The following LRMDA variants were observed in gnomAD, a reference collection of about 807,000 sequenced individuals.
The protein encoded by LRMDA is leucine-rich melanocyte differentiation-associated protein.
A neutral mutation model predicts 29.8 loss-of-function variants in LRMDA; 18 were observed. That is an observed-to-expected ratio of 0.60 (90% CI 0.42 to 0.90). The LOEUF (loss-of-function observed/expected upper bound fraction) is 0.90, where lower values mean the gene tolerates loss of function less well. Among genes scored for constraint, LRMDA ranks in the 40% least tolerant of loss-of-function variants. The pLI is 0.00. For missense variants in LRMDA, 273 were observed against 273.9 expected, an observed-to-expected ratio of 1.00 and a Z score of 0.02; for synonymous variants, 125 against 109.4, an observed-to-expected ratio of 1.14 and a Z score of -0.89.
intron 2 of LRMDA, among the ~76,000 whole-genome samples, chr10:75,669,756 A>G (rs540986590): frequency 1.3e-5 from 2 of 152,324 alleles, no homozygotes; most frequent in Non-Finnish European, 2.9e-5. Flanking sequence ...CTTTTTGGTG[A>G]CACTATATCA....
At chr10:76,143,924 C>T (rs1274558358) in intron 5 of LRMDA, among the ~76,000 whole-genome samples, 2 of 152,166 alleles carry the variant, frequency 1.3e-5, no homozygotes, top group Non-Finnish European at 1.5e-5. Flanking sequence ...AGCCAGTTTT[C>T]CCAGCACCAT....
At chr10:75,441,446 G>A (rs948694286) in intron 2 of LRMDA, among the ~76,000 whole-genome samples, 5 of 152,316 alleles carry the variant, frequency 3.3e-5, no homozygotes, top group Middle Eastern at 3.4e-3. Flanking sequence ...GTATTGACTT[G>A]TACTGCCAGC....
chr10:75,975,480 CCATTCTGGG>C (rs1353537110), intron 2 of LRMDA, among the ~76,000 whole-genome samples: 1 of 152,120 alleles, frequency 6.6e-6, no homozygotes, highest in Non-Finnish European at 1.5e-5. Flanking sequence ...TTGGGGTGGA[CCATTCTGGG>C]CTTTCCTCCT....
intron 5 of LRMDA, among the ~76,000 whole-genome samples, chr10:76,248,049 G>A (rs921587569): frequency 3.3e-5 from 5 of 152,162 alleles, no homozygotes; most frequent in Admixed American, 2.0e-4. Context: ...CGTCTTCATT[G>A]GAAAACGTGT....
intron 2 of LRMDA, among the ~76,000 whole-genome samples, chr10:75,465,779 G>A (rs11001400): frequency 6.6e-6 from 1 of 152,160 alleles, no homozygotes; most frequent in Non-Finnish European, 1.5e-5. Context: ...GTGAAATGTA[G>A]AAACTTCAAA....
chr10:75,589,637 G>A (rs187466629), intron 2 of LRMDA, among the ~76,000 whole-genome samples: 3 of 152,100 alleles, frequency 2.0e-5, no homozygotes, highest in African/African-American at 7.2e-5. Context: ...GTTAGTATGA[G>A]CCTATAGTCC....
chr10:76,250,793 T>C (rs1471714289), intron 5 of LRMDA, among the ~76,000 whole-genome samples: 1 of 152,202 alleles, frequency 6.6e-6, no homozygotes, highest in Non-Finnish European at 1.5e-5. Flanking sequence ...TCCAAGGTTG[T>C]CAAACTAGAG....
At chr10:75,559,455 G>A (rs1777157146) in intron 2 of LRMDA, among the ~76,000 whole-genome samples, 1 of 151,648 alleles carries the variant, frequency 6.6e-6, no homozygotes, top group Non-Finnish European at 1.5e-5. Flanking sequence ...TGAGTAGGTT[G>A]CGAAAATTTT....
chr10:76,289,671 T>A (rs751164640), intron 5 of LRMDA, among the ~76,000 whole-genome samples: 4 of 152,246 alleles, frequency 2.6e-5, no homozygotes, highest in Non-Finnish European at 4.4e-5. Context: ...GGGCTTGGTG[T>A]CTTCCAATTC....
intron 2 of LRMDA, among the ~76,000 whole-genome samples, chr10:75,964,111 G>T (rs145820759): frequency 8.4e-4 from 128 of 152,256 alleles, no homozygotes; most frequent in Admixed American, 1.5e-3. Flanking sequence ...TAGTGACATG[G>T]TGGGGAGGAG....
At chr10:75,498,199 G>A (rs924473370) in intron 2 of LRMDA, among the ~76,000 whole-genome samples, 1 of 152,138 alleles carries the variant, frequency 6.6e-6, no homozygotes, top group Non-Finnish European at 1.5e-5. Flanking sequence ...GATCTCAGAG[G>A]CATTATCTCT....
intron 2 of LRMDA, among the ~76,000 whole-genome samples, chr10:75,507,352 T>C (rs1845181531): frequency 6.6e-6 from 1 of 152,152 alleles, no homozygotes; most frequent in Non-Finnish European, 1.5e-5. Flanking sequence ...TCTTCATGCC[T>C]CCTGGCTGCT....
At chr10:76,457,700 T>A (rs184642197) in intron 6 of LRMDA, among the ~76,000 whole-genome samples, 1 of 152,278 alleles carries the variant, frequency 6.6e-6, no homozygotes, top group African/African-American at 2.4e-5. Flanking sequence ...CAACAAAATA[T>A]CTTAAATAAG....
At position 75,827,792 on chromosome 10, in the gene LRMDA, T is replaced by C. The variant is rs547790765; in HGVS notation, c.132-208216T>C. Among the ~76,000 whole-genome samples, 6 of 152,312 alleles carry C rather than the reference T, an allele frequency of 3.9e-5. No individual in the cohort carries two copies. In the South Asian group the frequency reaches 1.0e-3, roughly 26 times the overall value. Reference sequence around the variant, plus strand: ...ACATTTGTTGCAAACAGTTTGCCAATTCGTAATTTTATTGAATTTGTTTAT... The same window carrying C: ...ACATTTGTTGCAAACAGTTTGCCAACTCGTAATTTTATTGAATTTGTTTAT... On this transcript the variant is annotated intron_variant, in intron 2 of 6. Coordinates refer to ENST00000611255, the MANE Select transcript of LRMDA (RefSeq NM_001305581.2).
intron 5 of LRMDA, among the ~76,000 whole-genome samples, chr10:76,165,975 C>T (rs772051783): frequency 1.3e-5 from 2 of 152,060 alleles, no homozygotes; most frequent in African/African-American, 2.4e-5. Context: ...ATGGTTCTTG[C>T]CCTTCTAGAC....
intron 2 of LRMDA, among the ~76,000 whole-genome samples, chr10:75,596,013 A>G (rs1399055218): frequency 1.3e-5 from 2 of 152,170 alleles, no homozygotes; most frequent in Non-Finnish European, 2.9e-5. Context: ...TTTTCGCTAT[A>G]GCAGTCATCA....
At chr10:76,386,784 A>G (rs1007988219) in intron 6 of LRMDA, among the ~76,000 whole-genome samples, 1 of 152,062 alleles carries the variant, frequency 6.6e-6, no homozygotes, top group African/African-American at 2.4e-5. Flanking sequence ...TAAGGAAAAT[A>G]AGCTAGGAGA....
At chr10:75,714,543 A>G (rs576280541) in intron 2 of LRMDA, among the ~76,000 whole-genome samples, 34 of 152,364 alleles carry the variant, frequency 2.2e-4, no homozygotes, top group African/African-American at 5.8e-4. Flanking sequence ...TAACAGCTCA[A>G]TGGAACAGAT....
At chr10:76,536,274 A>T (rs920191623) in intron 6 of LRMDA, among the ~76,000 whole-genome samples, 19 of 152,090 alleles carry the variant, frequency 1.2e-4, no homozygotes, top group African/African-American at 3.6e-4. Flanking sequence ...CATTTCCCCA[A>T]TTTTCCCAAT....
Sources: allele counts gnomAD v4.1 joint callset (sites outside exome capture counted in the v4.1 genomes callset), GRCh38; gene constraint gnomAD v4.1.1; transcripts MANE v1.5; gene names NCBI Gene and HGNC (gene_info 2026-07-23, HGNC 2026-07-21).